Variants in ISM1 observed in about 807,000 individuals in gnomAD.
ISM1 encodes isthmin-1.
Under a neutral mutation model 46.3 loss-of-function variants are expected in ISM1, and 25 were observed. That is an observed-to-expected ratio of 0.54 (90% CI 0.39 to 0.75). The LOEUF (loss-of-function observed/expected upper bound fraction) is 0.75, where lower values mean the gene tolerates loss of function less well. ISM1 is among the 30% of genes least tolerant of loss of function. ISM1 has a pLI of 0.00. For synonymous variants in ISM1, 255 were observed against 256.7 expected (o/e 0.99, Z 0.06); for missense variants, 536 against 625.4 (o/e 0.86, Z 1.52).
At chr20:13,245,655 CCTTA>C (rs1192058205) in intron 1 of ISM1, among the ~76,000 whole-genome samples, 1 of 152,148 alleles carries the variant, frequency 6.6e-6, no homozygotes, top group Non-Finnish European at 1.5e-5. Flanking sequence ...TTACATGGGT[CCTTA>C]CTTTTCCAGA....
intron 1 of ISM1, among the ~76,000 whole-genome samples, chr20:13,225,605 C>T (rs1206217262): frequency 6.6e-6 from 1 of 151,998 alleles, no homozygotes. Flanking sequence ...TACAAGGTGG[C>T]AGTAAAAAGT....
intron 1 of ISM1, among the ~76,000 whole-genome samples, chr20:13,238,279 T>A (rs1304208292): frequency 1.3e-5 from 2 of 152,152 alleles, no homozygotes; most frequent in East Asian, 3.9e-4. Flanking sequence ...ATTATATTTT[T>A]ATGCTCTAGC....
At chr20:13,228,174 T>G (rs2039550076) in intron 1 of ISM1, among the ~76,000 whole-genome samples, 1 of 151,896 alleles carries the variant, frequency 6.6e-6, no homozygotes, top group Non-Finnish European at 1.5e-5. Context: ...AGTTTCACCA[T>G]GTTGGCCAGG....
chr20:13,254,822 TC>T (rs2039908014), intron 1 of ISM1, among the ~76,000 whole-genome samples: 1 of 152,196 alleles, frequency 6.6e-6, no homozygotes, highest in Admixed American at 6.5e-5. Context: ...CACACATGGT[TC>T]GAGAGATGTA....
Position 13,221,766 on chromosome 20 carries a change from G to A in ISM1, c.-11G>A. On this transcript the variant is annotated 5_prime_UTR_variant, in exon 1 of 6. Coordinates refer to ENST00000262487, the MANE Select transcript of ISM1 (RefSeq NM_080826.2). ...GCCGCGCCGGGTCCTAAAGCCGCGCGTCTCAAAAGGATGGTGCGCCTGGCG... is the reference window on the plus strand; with the variant it reads ...GCCGCGCCGGGTCCTAAAGCCGCGCATCTCAAAAGGATGGTGCGCCTGGCG... The A allele has an allele frequency of 1.4e-6, 2 of 1,431,706 alleles. No individual in the cohort carries two copies. The highest frequency in any genetic ancestry group is 1.8e-6 in the Non-Finnish European group (2 of 1,096,762). 88.7% of individuals were successfully genotyped at this position (1,431,706 alleles called of 1,614,324 possible).
At chr20:13,268,698 G>A (rs1041449912) in intron 1 of ISM1, among the ~76,000 whole-genome samples, 6 of 152,034 alleles carry the variant, frequency 3.9e-5, no homozygotes, top group Admixed American at 6.6e-5. Context: ...ATTCAGAGGC[G>A]GTCTCTGAAC....
intron 1 of ISM1, among the ~76,000 whole-genome samples, chr20:13,245,966 G>A (rs866072582): frequency 6.6e-6 from 1 of 152,226 alleles, no homozygotes; most frequent in Middle Eastern, 3.4e-3. Context: ...TTCTGGACAG[G>A]CCACAAAAGC....
At chr20:13,241,328 G>A (rs1247641934) in intron 1 of ISM1, among the ~76,000 whole-genome samples, 4 of 152,076 alleles carry the variant, frequency 2.6e-5, no homozygotes, top group African/African-American at 9.7e-5. Context: ...ATGAACATGT[G>A]GTCAAAAAAG....
chr20:13,262,466 T>G (rs1229060223), intron 1 of ISM1, among the ~76,000 whole-genome samples: 1 of 140,804 alleles, frequency 7.1e-6, no homozygotes, highest in Non-Finnish European at 1.6e-5. Flanking sequence ...TTTCTTTTTC[T>G]TTTTTTTTTT....
intron 5 of ISM1, among the ~76,000 whole-genome samples, chr20:13,296,669 G>A (rs1471397767): frequency 6.6e-6 from 1 of 152,162 alleles, no homozygotes; most frequent in African/African-American, 2.4e-5. Context: ...GGCTGAGGGT[G>A]GGCCAAAGTC....
intron 1 of ISM1, among the ~76,000 whole-genome samples, chr20:13,255,572 G>A (rs901742624): frequency 6.6e-6 from 1 of 152,204 alleles, no homozygotes; most frequent in African/African-American, 2.4e-5. Context: ...ATGCATAGGA[G>A]TTTTCTATGT....
At chr20:13,322,005 TGA>T in the ISM1 span, among the ~76,000 whole-genome samples, 5 of 152,334 alleles carry the variant, frequency 3.3e-5, no homozygotes, top group East Asian at 9.6e-4. Flanking sequence ...GAAGAATTAA[TGA>T]GTCAACATTT....
At chr20:13,249,467 A>G (rs2039840448) in intron 1 of ISM1, among the ~76,000 whole-genome samples, 1 of 152,236 alleles carries the variant, frequency 6.6e-6, no homozygotes, top group East Asian at 1.9e-4. Context: ...TCTCCAGCAA[A>G]GTAGTGATGT....
chr20:13,230,997 G>A (rs1484564639), intron 1 of ISM1, among the ~76,000 whole-genome samples: 1 of 152,160 alleles, frequency 6.6e-6, no homozygotes, highest in African/African-American at 2.4e-5. Flanking sequence ...ACTTGATAAT[G>A]TACCCTTCTG....
At chr20:13,251,594 G>A (rs1041887759) in intron 1 of ISM1, among the ~76,000 whole-genome samples, 1 of 152,230 alleles carries the variant, frequency 6.6e-6, no homozygotes, top group African/African-American at 2.4e-5. Flanking sequence ...AGCGTGGTAT[G>A]TGGGAGGTAG....
intron 1 of ISM1, among the ~76,000 whole-genome samples, chr20:13,256,573 A>G (rs887300882): frequency 8.5e-5 from 13 of 152,274 alleles, no homozygotes; most frequent in African/African-American, 3.1e-4. Flanking sequence ...TGGCTTTAAA[A>G]TCAAATGACT....
chr20:13,302,884 AC>A (rs1353427439), downstream of ISM1, among the ~76,000 whole-genome samples: 1 of 152,096 alleles, frequency 6.6e-6, no homozygotes, highest in African/African-American at 2.4e-5. Context: ...TTCTCTTCGG[AC>A]CCAGTTCATG....
intron 1 of ISM1, among the ~76,000 whole-genome samples, chr20:13,268,758 A>T (rs1305624319): frequency 1.3e-5 from 2 of 152,076 alleles, no homozygotes; most frequent in Non-Finnish European, 2.9e-5. Flanking sequence ...ATTTATAAAA[A>T]TCCATTCGCA....
At chr20:13,298,889 C>T (rs2040432519) in intron 5 of ISM1, 53 bp from the exon 6 acceptor site, 8 of 1,578,412 alleles carry the variant, frequency 5.1e-6, no homozygotes, top group Non-Finnish European at 6.9e-6. Flanking sequence ...TGAAGCACCT[C>T]CTGTGGGCCG....
Sources: allele counts gnomAD v4.1 joint callset (sites outside exome capture counted in the v4.1 genomes callset), GRCh38; gene constraint gnomAD v4.1.1; transcripts MANE v1.5; gene names NCBI Gene and HGNC (gene_info 2026-07-23, HGNC 2026-07-21).